The following CCDC60 variants were observed in gnomAD, a reference collection of about 807,000 sequenced individuals.
CCDC60 encodes the protein coiled-coil domain-containing protein 60.
A neutral mutation model predicts 63.5 loss-of-function variants in CCDC60; 54 were observed. The ratio of observed to expected loss-of-function variants is 0.85; its 90% confidence interval spans 0.68 to 1.07. CCDC60 has a LOEUF of 1.07. Among genes scored for constraint, CCDC60 ranks in the 50% least tolerant of loss-of-function variants. The pLI is 0.00. For missense variants in CCDC60, 651 were observed against 684.3 expected, an observed-to-expected ratio of 0.95 and a Z score of 0.54; for synonymous variants, 206 against 238.8, an observed-to-expected ratio of 0.86 and a Z score of 1.27.
chr12:119,359,804 ACT>A (rs1401202985), intron 1 of CCDC60, among the ~76,000 whole-genome samples: 1 of 151,940 alleles, frequency 6.6e-6, no homozygotes, highest in East Asian at 1.9e-4. Flanking sequence ...AATCCATTTA[ACT>A]CTGAGTGGAC....
chr12:119,432,069 G>A (rs1950238567), intron 2 of CCDC60, among the ~76,000 whole-genome samples: 1 of 152,224 alleles, frequency 6.6e-6, no homozygotes, highest in Non-Finnish European at 1.5e-5. Context: ...TTAGAAGCAA[G>A]ATGGAGTTCG....
chr12:119,407,864 T>C (rs1956522342), intron 1 of CCDC60, among the ~76,000 whole-genome samples: 1 of 152,232 alleles, frequency 6.6e-6, no homozygotes. Context: ...AAGTCTGTGC[T>C]TTTCAATACT....
chr12:119,401,088 T>G (rs1026637666), intron 1 of CCDC60, among the ~76,000 whole-genome samples: 7 of 152,198 alleles, frequency 4.6e-5, no homozygotes, highest in African/African-American at 1.4e-4. Flanking sequence ...GAGTGGAGTT[T>G]CCTGTTACTT....
At chr12:119,539,690 C>A (rs560830143) in intron 13 of CCDC60, among the ~76,000 whole-genome samples, 14 of 152,146 alleles carry the variant, frequency 9.2e-5, no homozygotes, top group Non-Finnish European at 1.9e-4. Context: ...AGGGGAGTGG[C>A]AGTTGTCTCT....
At chr12:119,340,033 G>A (rs1175321660) in intron 1 of CCDC60, among the ~76,000 whole-genome samples, 4 of 152,300 alleles carry the variant, frequency 2.6e-5, no homozygotes, top group Non-Finnish European at 2.9e-5. Flanking sequence ...TGAAACAAGC[G>A]TTATCACGTT....
intron 1 of CCDC60, among the ~76,000 whole-genome samples, chr12:119,402,126 G>T (rs1956403212): frequency 6.6e-6 from 1 of 152,120 alleles, no homozygotes; most frequent in South Asian, 2.1e-4. Flanking sequence ...ATTCTGATTG[G>T]CTGGGCCTGC....
intron 2 of CCDC60, among the ~76,000 whole-genome samples, chr12:119,455,222 TG>T (rs1334882165): frequency 6.6e-6 from 1 of 152,222 alleles, no homozygotes; most frequent in African/African-American, 2.4e-5. Context: ...AGTTGATACT[TG>T]GTAGGCAACT....
chr12:119,390,325 G>T (rs1053856756), intron 1 of CCDC60, among the ~76,000 whole-genome samples: 4 of 152,104 alleles, frequency 2.6e-5, no homozygotes, highest in South Asian at 2.1e-4. Context: ...GCAGATCAGG[G>T]CCCTAAAACA....
rs1328621386 is a variant in CCDC60 at position 119,523,828 on chromosome 12, C to T, written c.1229+10C>T. The T allele has an allele frequency of 1.2e-6, 2 of 1,613,408 alleles. No homozygotes were observed. Among genetic ancestry groups the T allele is most frequent in the Middle Eastern group, 1.6e-4 (1 of 6,080 alleles). Reference sequence around the variant, plus strand: ...TGGAAATCCTCATGAAGTAAGCGCACATATATATCCATTCATTCAAACAGC... The same window carrying T: ...TGGAAATCCTCATGAAGTAAGCGCATATATATATCCATTCATTCAAACAGC... On this transcript the variant is annotated intron_variant, in intron 11 of 13. Coordinates refer to ENST00000327554, the MANE Select transcript of CCDC60 (RefSeq NM_178499.5).
chr12:119,360,362 C>T (rs1203834684), intron 1 of CCDC60, among the ~76,000 whole-genome samples: 6 of 85,970 alleles, frequency 7.0e-5, no homozygotes, highest in African/African-American at 2.5e-4. Context: ...ACCTCCCTCC[C>T]GGACGGGGCG....
rs149528740 is a variant in CCDC60, at chr12:119,502,856, T to C, written c.649-2213T>C. On this transcript the variant is annotated intron_variant, in intron 6 of 13. Coordinates refer to ENST00000327554, the MANE Select transcript of CCDC60 (RefSeq NM_178499.5). ...GATTCCAAGCTGCCTCATGCCACCA[T>C]CTGTCCACCCTTCAAAAATTACATT... Among the ~76,000 whole-genome samples the C allele has an allele frequency of 9.2e-3, 1,403 of 152,278 alleles. 14 individuals are homozygous for C. Among genetic ancestry groups the C allele is most frequent in the Non-Finnish European group, 0.013 (898 of 68,024 alleles).
intron 6 of CCDC60, among the ~76,000 whole-genome samples, chr12:119,501,021 T>A (rs1951838255): frequency 6.6e-6 from 1 of 152,158 alleles, no homozygotes; most frequent in Admixed American, 6.5e-5. Flanking sequence ...AGCCTAATAA[T>A]CATAATAATA....
chr12:119,497,575 C>T (rs942753844), intron 5 of CCDC60, among the ~76,000 whole-genome samples: 16 of 152,134 alleles, frequency 1.1e-4, no homozygotes, highest in Admixed American at 8.5e-4. Flanking sequence ...TCCATCTTCC[C>T]GATTGGACCT....
At chr12:119,440,536 A>G (rs1269093921) in intron 2 of CCDC60, among the ~76,000 whole-genome samples, 3 of 152,202 alleles carry the variant, frequency 2.0e-5, no homozygotes, top group African/African-American at 7.2e-5. Flanking sequence ...TCTCAAAATA[A>G]ATAAACAAAT....
At chr12:119,354,064 T>TTC (rs757579121) in intron 1 of CCDC60, among the ~76,000 whole-genome samples, 9 of 85,118 alleles carry the variant, frequency 1.1e-4, no homozygotes, top group East Asian at 5.6e-4. Flanking sequence ...CTCTCTCTCT[T>TTC]TCTCTCTCTC....
chr12:119,356,124 A>G (rs935895741), intron 1 of CCDC60, among the ~76,000 whole-genome samples: 1 of 152,200 alleles, frequency 6.6e-6, no homozygotes, highest in Non-Finnish European at 1.5e-5. Flanking sequence ...ACTTGCTCTA[A>G]ACAGTACAAA....
chr12:119,364,760 G>A (rs192037362), intron 1 of CCDC60, among the ~76,000 whole-genome samples: 36 of 152,304 alleles, frequency 2.4e-4, no homozygotes, highest in African/African-American at 7.9e-4. Flanking sequence ...TCCACGGGGC[G>A]ATCTCCCTTT....
chr12:119,428,418 T>G (rs1426420716), intron 1 of CCDC60, among the ~76,000 whole-genome samples: 2 of 151,976 alleles, frequency 1.3e-5, no homozygotes, highest in Non-Finnish European at 2.9e-5. Context: ...TTCAGAGAGG[T>G]TGAGTAATTT....
At chr12:119,341,878 G>T (rs1565962558) in intron 1 of CCDC60, among the ~76,000 whole-genome samples, 1 of 152,156 alleles carries the variant, frequency 6.6e-6, no homozygotes, top group Non-Finnish European at 1.5e-5. Context: ...AGAGAAGGGG[G>T]TGCTCCTGAG....
Sources: allele counts gnomAD v4.1 joint callset (sites outside exome capture counted in the v4.1 genomes callset), GRCh38; gene constraint gnomAD v4.1.1; transcripts MANE v1.5; gene names NCBI Gene and HGNC (gene_info 2026-07-23, HGNC 2026-07-21).